Variants in MGAT4B observed in about 807,000 individuals in gnomAD.
MGAT4B encodes the protein alpha-1,3-mannosyl-glycoprotein 4-beta-N-acetylglucosaminyltransferase B.
In MGAT4B, 38 loss-of-function variants were observed where a neutral mutation model predicts 73.9. That is an observed-to-expected ratio of 0.51 (90% CI 0.40 to 0.67). The LOEUF is 0.67. MGAT4B is among the 30% of genes least tolerant of loss of function. MGAT4B has a pLI of 0.00. For synonymous variants in MGAT4B, 373 were observed against 313.5 expected, an observed-to-expected ratio of 1.19 and a Z score of -2.01; for missense variants, 686 against 735.2, an observed-to-expected ratio of 0.93 and a Z score of 0.77.
At position 179,800,015 on chromosome 5, in the gene MGAT4B, A is replaced by G. The variant is rs751046221; in HGVS notation, c.849T>C (p.Phe283=). 4 of 1,614,042 alleles carry G rather than the reference A, an allele frequency of 2.5e-6. No individual in the cohort carries two copies. The highest frequency in any genetic ancestry group is 1.1e-5 in the South Asian group (1 of 91,088). The change falls in exon 8 of 15, where the codon TTT becomes TTC. Residue 283 remains phenylalanine (F), a synonymous_variant. Transcript: ENST00000292591. The stretch of plus-strand genomic sequence containing the variant: ...AGTCCTCTGAAGGCTGCTGCAGTGC[A>G]AAGTTCTTCATGGTGCTCAGGTAGT... ...KPNYLSTMKN[F]ALQQPSEDWM...
rs774895882 is a variant in MGAT4B at position 179,800,600 on chromosome 5, G to T, written c.606-3C>A. 1.3e-6 allele frequency: 2 copies of T among 1,589,064 alleles called. No individual in the cohort carries two copies. Among genetic ancestry groups the T allele is most frequent in the Non-Finnish European group, 1.7e-6 (2 of 1,161,228 alleles). On this transcript the variant is annotated splice_region_variant and splice_polypyrimidine_tract_variant and intron_variant, in intron 5 of 14. Transcript: ENST00000292591. ...CAGAATGGATCTCCGTGGGGAACCTGGGGGACGGGAAGGCCTAGTCCGTAT... is the reference window on the plus strand; with the variant it reads ...CAGAATGGATCTCCGTGGGGAACCTTGGGGACGGGAAGGCCTAGTCCGTAT...
At position 179,798,420 on chromosome 5, in the gene MGAT4B, G is replaced by C. The variant is rs1244991974; in HGVS notation, c.1437C>G (p.Asp479Glu). 4 of 1,612,616 alleles carry C rather than the reference G, an allele frequency of 2.5e-6. No individual in the cohort carries two copies. The highest frequency in any genetic ancestry group is 3.4e-6 in the Non-Finnish European group (4 of 1,179,802). ...TGCGGCCCTCCTGCAGGGCCTCCTT[G>C]TCTGACTGAGGGTTCTGGGGGCAGA... is the stretch of plus-strand genomic sequence containing the variant. Reference protein sequence around the residue: ...EVLPFDNPQSDKEALQEGRTA... With the variant: ...EVLPFDNPQSEKEALQEGRTA... The change falls in exon 13 of 15, where the codon GAC (aspartate) becomes GAG (glutamate). Residue 479 changes from aspartate to glutamate, a missense_variant. Physicochemically the swap from Asp to Glu is conservative, Grantham distance 45. Around this residue, in one of 2 missense-constraint regions of MGAT4B, gnomAD observed 449 missense variants for 536.8 expected, o/e 0.84. Coordinates refer to ENST00000292591, the MANE Select transcript of MGAT4B (RefSeq NM_014275.5).
Position 179,800,970 on chromosome 5 carries a change from C to A in MGAT4B, c.559-17G>T, listed in dbSNP as rs372403519. ...TGAGTCAGTCTGTGGGGAGACCAAGCACCCTCCCTTAGCCCTGCTGCTGCC... is the reference window on the plus strand; with the variant it reads ...TGAGTCAGTCTGTGGGGAGACCAAGAACCCTCCCTTAGCCCTGCTGCTGCC... On this transcript the variant is annotated splice_polypyrimidine_tract_variant and intron_variant, in intron 4 of 14. Coordinates refer to ENST00000292591, the MANE Select transcript of MGAT4B (RefSeq NM_014275.5). The A allele has an allele frequency of 1.2e-6, 2 of 1,613,662 alleles. No homozygotes were observed. The highest frequency in any genetic ancestry group is 1.7e-6 in the Non-Finnish European group (2 of 1,179,912).
intron 1 of MGAT4B, among the ~76,000 whole-genome samples, chr5:179,804,599 C>T (rs777634268): frequency 1.4e-4 from 22 of 152,172 alleles, no homozygotes; most frequent in Non-Finnish European, 3.1e-4. Flanking sequence ...CTTGACCTTG[C>T]GTTTCCAGGA....
chr5:179,802,029 CCA>C, intron 1 of MGAT4B, 60 bp from the exon 2 acceptor site: 1 of 1,612,224 alleles, frequency 6.2e-7, no homozygotes, highest in Non-Finnish European at 8.5e-7. Flanking sequence ...ACGGGCCCCT[CCA>C]GTGTGCCAGC....
In MGAT4B at chr5:179,801,262, G is replaced by A; in HGVS notation, c.558+72C>T. 1 of 1,519,698 alleles carries A rather than the reference G, an allele frequency of 6.6e-7. No individual in the cohort carries two copies. The highest frequency in any genetic ancestry group is 8.8e-7 in the Non-Finnish European group (1 of 1,131,262). The allele number at this position is 1,519,698 out of a possible 1,614,324, so 94.1% of individuals were successfully genotyped here. A position where few individuals can be genotyped will look rare whatever the true frequency, so the allele number is the denominator to read the frequency against. On this transcript the variant is annotated intron_variant, in intron 4 of 14. Coordinates refer to ENST00000292591, the MANE Select transcript of MGAT4B (RefSeq NM_014275.5). This position sits in a 1 kb window ranked among gnomAD's most constrained non-coding sequence, Gnocchi z 4.8. ...TTCCGACAGCTTTCTCCTCGGAATG[G>A]TTCCTGCTGTCAGTTCTGCACCGCG...
intron 10 of MGAT4B, 31 bp from the exon 11 acceptor site, chr5:179,799,152 G>T: frequency 6.2e-7 from 1 of 1,613,920 alleles, no homozygotes; most frequent in South Asian, 1.1e-5. Flanking sequence ...CAGTGATGGC[G>T]TGGGCCCCGA....
In MGAT4B at chr5:179,800,145, C is replaced by CGCAGGGCAGG. The variant is rs754248357; in HGVS notation, c.795+29_795+38dup. ...CCAGACCCATCGCAGGGCAGGGCGGCGCAGGGCAGGGCAGGGCAACGCAGG... is the reference window on the plus strand; with the variant it reads ...CCAGACCCATCGCAGGGCAGGGCGGCGCAGGGCAGGGCAGGGCAGGGCAGGGCAACGCAGG... On this transcript the variant is annotated intron_variant, in intron 7 of 14. Coordinates refer to ENST00000292591, the MANE Select transcript of MGAT4B (RefSeq NM_014275.5). 5.0e-6 allele frequency: 8 copies of CGCAGGGCAGG among 1,611,420 alleles called. No homozygotes were observed. In the South Asian group the frequency reaches 8.8e-5, roughly 18 times the overall value.
rs1356848590 is a variant in MGAT4B at position 179,806,576 on chromosome 5, A to G, written c.8T>C (p.Leu3Pro). The change falls in exon 1 of 15, where the codon CTC (leucine) becomes CCC (proline). Residue 3 changes from leucine (L) to proline (P), a missense_variant. Physicochemically the swap from Leu to Pro is moderately conservative, Grantham distance 98. Coordinates refer to ENST00000292591, the MANE Select transcript of MGAT4B (RefSeq NM_014275.5). This position sits in a 1 kb window ranked among gnomAD's most constrained non-coding sequence, Gnocchi z 4.6. Reference sequence around the variant, plus strand: ...CAGCGTCAGGAAGGTGCCATTGCGGAGCCTCATCTCCTCGGGTGCGCGGCG... The same window carrying G: ...CAGCGTCAGGAAGGTGCCATTGCGGGGCCTCATCTCCTCGGGTGCGCGGCG... MR[L>P]RNGTFLTLLL... 7.8e-7 allele frequency: 1 copy of G among 1,283,162 alleles called. No homozygotes were observed. Among genetic ancestry groups the G allele is most frequent in the Non-Finnish European group, 1.0e-6 (1 of 987,204 alleles). The allele number at this position is 1,283,162 out of a possible 1,614,324, so 79.5% of individuals were successfully genotyped here. A position where few individuals can be genotyped will look rare whatever the true frequency, so the allele number is the denominator to read the frequency against.
chr5:179,801,474 G>T lies in MGAT4B; in HGVS notation c.425-7C>A. 6.2e-7 allele frequency: 1 copy of T among 1,604,868 alleles called. No homozygotes were observed. ...ATGCCCATCACCACCGACACTATGG[G>T]GGACGGAGGCCCGACGCTGGAAAGG... On this transcript the variant is annotated splice_polypyrimidine_tract_variant and splice_region_variant and intron_variant, in intron 3 of 14. Coordinates refer to ENST00000292591, the MANE Select transcript of MGAT4B (RefSeq NM_014275.5). This position sits in a 1 kb window ranked among gnomAD's most constrained non-coding sequence, Gnocchi z 4.8.
chr5:179,800,859 C>T (rs1209499432), intron 5 of MGAT4B, 48 bp downstream of exon 5: 17 of 1,599,586 alleles, frequency 1.1e-5, no homozygotes, highest in Admixed American at 1.7e-5. Context: ...CACAACACCC[C>T]GCACCGAGCT....
Position 179,806,728 on chromosome 5 carries a change from G to T in MGAT4B, c.-145C>A. The T allele has an allele frequency of 6.2e-6, 1 of 160,762 alleles. No individual in the cohort carries two copies. Among genetic ancestry groups the T allele is most frequent in the South Asian group, 1.8e-4 (1 of 5,550 alleles). The allele number at this position is 160,762 out of a possible 1,614,324, so 10.0% of individuals were successfully genotyped here. On this transcript the variant is annotated 5_prime_UTR_variant, in exon 1 of 15. Transcript: ENST00000292591. This position sits in a 1 kb window ranked among gnomAD's most constrained non-coding sequence, Gnocchi z 4.6. ...GGGAGGGGCGGGGGGCCCGGGGCCG[G>T]GCGGGGACCGGGCCAGGGAGCGCGC... is the stretch of plus-strand genomic sequence containing the variant.
intron 1 of MGAT4B, chr5:179,804,804 G>A (rs1757074752): frequency 6.6e-6 from 1 of 152,148 alleles, no homozygotes; most frequent in Non-Finnish European, 1.5e-5. Context: ...TTCTACATGT[G>A]ACAACGAGAT....
At chr5:179,802,783 A>G in intron 1 of MGAT4B, 1 of 985,562 alleles carries the variant, frequency 1.0e-6, no homozygotes, top group Non-Finnish European at 1.2e-6. Flanking sequence ...GGGACCAGTG[A>G]GCAAGAATGA....
intron 1 of MGAT4B, chr5:179,802,362 C>A: frequency 1.5e-6 from 2 of 1,291,918 alleles, no homozygotes; most frequent in South Asian, 4.4e-5. Flanking sequence ...ACGCTCCCTC[C>A]AGCGGGTGGG....
intron 1 of MGAT4B, among the ~76,000 whole-genome samples, chr5:179,804,255 A>C (rs151117223): frequency 8.5e-5 from 13 of 152,352 alleles, no homozygotes; most frequent in Non-Finnish European, 1.6e-4. Context: ...GCATAGGCAG[A>C]TATCAGGCCC....
At chr5:179,802,893 GC>G in intron 1 of MGAT4B, 1 of 985,384 alleles carries the variant, frequency 1.0e-6, no homozygotes, top group Non-Finnish European at 1.2e-6. Context: ...GGCCTACAAG[GC>G]CTTCTGTTTC....
At position 179,799,964 on chromosome 5, in the gene MGAT4B, C is replaced by T. The variant is rs1301340261; in HGVS notation, c.900G>A (p.Leu300=). Residue 300 remains leucine, a synonymous_variant, in exon 8 of 15, where the codon CTG becomes CTA. Coordinates refer to ENST00000292591, the MANE Select transcript of MGAT4B (RefSeq NM_014275.5). ...EDWMILEFSQ[L]GFIGKMFKSL... is the part of the protein sequence containing the mutation. ...AGGGGAGGGGCACACCAATGAAGCC[C>T]AGCTGGGAGAACTCCAGGATCATCC... is the stretch of plus-strand genomic sequence containing the variant. 3 of 1,613,708 alleles carry T rather than the reference C, an allele frequency of 1.9e-6. No homozygotes were observed. The highest frequency in any genetic ancestry group is 2.5e-6 in the Non-Finnish European group (3 of 1,179,824).
intron 8 of MGAT4B, 86 bp from the exon 9 acceptor site, chr5:179,799,722 AG>A (rs1257384150): frequency 9.4e-6 from 15 of 1,589,194 alleles, no homozygotes; most frequent in Non-Finnish European, 1.3e-5. Flanking sequence ...CAGCAAACCC[AG>A]GGGCAGGCTT....
Sources: gnomAD v4.1 joint callset for allele counts (sites outside exome capture counted in the v4.1 genomes callset) on GRCh38, gnomAD v4.1.1 for gene constraint, gnomAD v4.1.1 regional missense constraint, Gnocchi (gnomAD v3.1) non-coding constraint, MANE v1.5 for transcripts, NCBI Gene and HGNC (gene_info 2026-07-23, HGNC 2026-07-21) for gene names.